The following ASPHD2 variants were observed in gnomAD, a reference collection of about 807,000 sequenced individuals.
The protein encoded by ASPHD2 is aspartate beta-hydroxylase domain containing 2.
A neutral mutation model predicts 34.6 loss-of-function variants in ASPHD2; 12 were observed. The ratio of observed to expected loss-of-function variants is 0.35; its 90% CI spans 0.22 to 0.56. ASPHD2 has a LOEUF of 0.56. Ranked by LOEUF, ASPHD2 falls within the 20% of genes least tolerant of loss-of-function variation. The pLI, the probability that ASPHD2 is intolerant of heterozygous loss-of-function variation, is 0.87. For missense variants in ASPHD2, 375 were observed against 505.0 expected, an observed-to-expected ratio of 0.74 and a Z score of 2.47; for synonymous variants, 224 against 212.2, an observed-to-expected ratio of 1.06 and a Z score of -0.48.
intron 3 of ASPHD2, 82 bp downstream of exon 3, chr22:26,442,654 A>T: frequency 8.3e-7 from 1 of 1,200,292 alleles, no homozygotes; most frequent in South Asian, 1.5e-5. Context: ...TTCCAGAAAA[A>T]TCAGGCAGAA....
At chr22:26,443,045 C>T in intron 3 of ASPHD2, 52 bp from the exon 4 acceptor site, 5 of 1,363,350 alleles carry the variant, frequency 3.7e-6, no homozygotes, top group Middle Eastern at 1.8e-4. Context: ...GATCCTGGGT[C>T]CTGACTCCAG....
In ASPHD2 at chr22:26,434,152, C is replaced by A. The variant is rs1184796522; in HGVS notation, c.537C>A (p.Phe179Leu). Residue 179 changes from phenylalanine to leucine, a missense_variant, in exon 2 of 4, where the codon TTC (phenylalanine) becomes TTA (leucine). Coordinates refer to ENST00000215906, the MANE Select transcript of ASPHD2 (RefSeq NM_020437.5). The stretch of plus-strand genomic sequence containing the variant: ...CCGACCTGCCCACCACGCCCTATTT[C>A]TCCCGGGACGCACAGAAACATGATG... ...FLPDLPTTPY[F>L]SRDAQKHDVE... The A allele has an allele frequency of 6.2e-7, 1 of 1,612,336 alleles. No individual in the cohort carries two copies. The highest frequency in any genetic ancestry group is 1.7e-5 in the Admixed American group (1 of 59,476).
chr22:26,444,367 G>A lies in ASPHD2; in HGVS notation c.*1161G>A, dbSNP rs1431222736. The A allele has an allele frequency of 6.6e-6, 1 of 152,202 alleles. No individual in the cohort carries two copies. The highest frequency in any genetic ancestry group is 1.5e-5 in the Non-Finnish European group (1 of 68,040). 9.4% of individuals were successfully genotyped at this position (152,202 alleles called of 1,614,324 possible). A position where few individuals can be genotyped will look rare whatever the true frequency, so the allele number is the denominator to read the frequency against. On this transcript the variant is annotated 3_prime_UTR_variant, in exon 4 of 4. Transcript: ENST00000215906. ...CAATGACCCAAGCCAGTGTGTGCTA[G>A]TGAGGAGACAGAGAAGACCTACATG...
In ASPHD2 at chr22:26,433,904, G is replaced by A. The variant is rs200334205; in HGVS notation, c.289G>A (p.Asp97Asn). ...VSVNSLMQAA[D>N]ANGLQNGYVY... is the part of the protein sequence containing the mutation. ...CGTCAACTCCCTCATGCAGGCTGCC[G>A]ATGCCAACGGGCTGCAGAATGGCTA... The change falls in exon 2 of 4, where the codon GAT (aspartate) becomes AAT (asparagine). Residue 97 changes from aspartate (D) to asparagine (N), a missense_variant. Asp to Asn is a conservative substitution (Grantham distance 23, BLOSUM62 1). Coordinates refer to ENST00000215906, the MANE Select transcript of ASPHD2 (RefSeq NM_020437.5). The surrounding 1 kb of genome is among the most constrained non-coding windows in gnomAD (Gnocchi z 5.1). 11 of 1,613,590 alleles carry A rather than the reference G, an allele frequency of 6.8e-6. No homozygotes were observed. In the East Asian group the frequency reaches 1.3e-4, roughly 20 times the overall value.
At chr22:26,436,656 T>G (rs1479357067) in intron 2 of ASPHD2, among the ~76,000 whole-genome samples, 1 of 152,188 alleles carries the variant, frequency 6.6e-6, no homozygotes, top group Non-Finnish European at 1.5e-5. Flanking sequence ...AGTGATGCTC[T>G]TCTTTTGAAA....
In ASPHD2 at chr22:26,436,471, C is replaced by T. The variant is rs371403526; in HGVS notation, c.886+1970C>T. On this transcript the variant is annotated intron_variant, in intron 2 of 3. Coordinates refer to ENST00000215906, the MANE Select transcript of ASPHD2 (RefSeq NM_020437.5). The stretch of plus-strand genomic sequence containing the variant: ...CACTGGAGGATCCCCACACAGAAAT[C>T]AGGTGCCGCCAGGGTGGAGCGAGGG... Among the ~76,000 whole-genome samples, 5 of 152,288 alleles carry T rather than the reference C, an allele frequency of 3.3e-5. No individual in the cohort carries two copies. In the South Asian group the frequency reaches 8.3e-4, roughly 25 times the overall value.
intron 2 of ASPHD2, among the ~76,000 whole-genome samples, chr22:26,438,586 C>CATATATACAT (rs1555883319): frequency 1.6e-5 from 2 of 127,038 alleles, no homozygotes. Flanking sequence ...TATATACATA[C>CATATATACAT]ATATATATAC....
At chr22:26,435,377 C>T (rs1462183051) in intron 2 of ASPHD2, among the ~76,000 whole-genome samples, 2 of 148,646 alleles carry the variant, frequency 1.3e-5, no homozygotes, top group Admixed American at 6.7e-5. Flanking sequence ...TGGTGAGTGG[C>T]GATAAAAAGC....
At chr22:26,441,667 T>G (rs1259915891) in intron 2 of ASPHD2, among the ~76,000 whole-genome samples, 1 of 152,032 alleles carries the variant, frequency 6.6e-6, no homozygotes, top group African/African-American at 2.4e-5. Context: ...GGCTCACGCC[T>G]GTAATCCCAG....
chr22:26,442,701 CAT>C (rs2146137109), intron 3 of ASPHD2, 129 bp downstream of exon 3: 1 of 647,812 alleles, frequency 1.5e-6, no homozygotes, highest in East Asian at 2.7e-5. Context: ...CCCCATAACA[CAT>C]ATACACACAC....
Position 26,433,089 on chromosome 22 carries a change from C to T in ASPHD2, c.-224-303C>T, listed in dbSNP as rs1031333056. 1.3e-5 allele frequency among the ~76,000 whole-genome samples: 2 copies of T among 152,180 alleles called. No individual in the cohort carries two copies. Among genetic ancestry groups the T allele is most frequent in the Non-Finnish European group, 2.9e-5 (2 of 68,034 alleles). ...GAGTCTCTGCCCTGGCTGTATAACT[C>T]TCGTGAGTTATGTAACTTCTCTGAG... On this transcript the variant is annotated intron_variant, in intron 1 of 3. Coordinates refer to ENST00000215906, the MANE Select transcript of ASPHD2 (RefSeq NM_020437.5). The surrounding 1 kb of genome is among the most constrained non-coding windows in gnomAD (Gnocchi z 5.1).
At chr22:26,434,573 G>C in intron 2 of ASPHD2, 72 bp downstream of exon 2, 1 of 1,480,352 alleles carries the variant, frequency 6.8e-7, no homozygotes, top group African/African-American at 1.4e-5. Context: ...AAAACATCGC[G>C]AAAGCTCAAA....
chr22:26,443,302 C>A lies in ASPHD2; in HGVS notation c.*96C>A, dbSNP rs1236280460. 4 of 979,758 alleles carry A rather than the reference C, an allele frequency of 4.1e-6. No homozygotes were observed. Among genetic ancestry groups the A allele is most frequent in the South Asian group, 1.4e-5 (1 of 71,162 alleles). The allele number at this position is 979,758 out of a possible 1,614,324, so 60.7% of individuals were successfully genotyped here. On this transcript the variant is annotated 3_prime_UTR_variant, in exon 4 of 4. Transcript: ENST00000215906. ...TCCCTACCGGTGTTGTTTCCATGCT[C>A]AGAAACCTGCCTCAGCGGAAAGCTC...
chr22:26,434,150 T>A lies in ASPHD2; in HGVS notation c.535T>A (p.Phe179Ile), dbSNP rs2084776397. The change falls in exon 2 of 4, where the codon TTC (phenylalanine) becomes ATC (isoleucine). Residue 179 changes from phenylalanine to isoleucine, a missense_variant. By Grantham distance (21) the Phe-to-Ile change is conservative. Coordinates refer to ENST00000215906, the MANE Select transcript of ASPHD2 (RefSeq NM_020437.5). ...FLPDLPTTPYFSRDAQKHDVE... is the reference protein window; with the variant it reads ...FLPDLPTTPYISRDAQKHDVE... ...GCCCGACCTGCCCACCACGCCCTAT[T>A]TCTCCCGGGACGCACAGAAACATGA... The A allele has an allele frequency of 1.2e-6, 2 of 1,612,114 alleles. No homozygotes were observed. The highest frequency in any genetic ancestry group is 1.7e-6 in the Non-Finnish European group (2 of 1,179,074).
chr22:26,430,870 C>T (rs2084751975), intron 1 of ASPHD2, among the ~76,000 whole-genome samples: 1 of 152,118 alleles, frequency 6.6e-6, no homozygotes, highest in African/African-American at 2.4e-5. Context: ...ACAGCTCAGC[C>T]TTAGGGAGGG....
At chr22:26,431,225 G>A (rs1188489891) in intron 1 of ASPHD2, among the ~76,000 whole-genome samples, 11 of 152,168 alleles carry the variant, frequency 7.2e-5, no homozygotes, top group Non-Finnish European at 2.9e-5. Context: ...CTGAGGTTCT[G>A]TTTGGGAGAT....
At chr22:26,439,823 A>C (rs1457105966) in intron 2 of ASPHD2, among the ~76,000 whole-genome samples, 1 of 152,186 alleles carries the variant, frequency 6.6e-6, no homozygotes, top group Non-Finnish European at 1.5e-5. Flanking sequence ...TCTGTCCCCA[A>C]GTCCTCCGTC....
At chr22:26,431,894 A>G (rs1056132342) in intron 1 of ASPHD2, among the ~76,000 whole-genome samples, 2 of 152,192 alleles carry the variant, frequency 1.3e-5, no homozygotes, top group Admixed American at 1.3e-4. Flanking sequence ...ACCCCATTTC[A>G]TGGATAAAGA....
At chr22:26,432,665 G>A (rs2084764767) in intron 1 of ASPHD2, among the ~76,000 whole-genome samples, 1 of 152,196 alleles carries the variant, frequency 6.6e-6, no homozygotes, top group African/African-American at 2.4e-5. Context: ...TGAGGCAGAG[G>A]CCTGGAAGGG....
Sources: gnomAD v4.1 joint callset for allele counts (sites outside exome capture counted in the v4.1 genomes callset) on GRCh38, gnomAD v4.1.1 for gene constraint, Gnocchi (gnomAD v3.1) non-coding constraint, MANE v1.5 for transcripts, NCBI Gene and HGNC (gene_info 2026-07-23, HGNC 2026-07-21) for gene names.